SLC35F1: variants seen among roughly 807,000 people sequenced by gnomAD.
SLC35F1 encodes the protein solute carrier family 35 member F1, also known as chromosome 6 open reading frame 169.
Under a neutral mutation model 48.7 loss-of-function variants are expected in SLC35F1, and 14 were observed. That is an observed-to-expected ratio of 0.29 (90% confidence interval 0.19 to 0.45). The LOEUF (loss-of-function observed/expected upper bound fraction) is 0.45, where lower values mean the gene tolerates loss of function less well. Ranked by LOEUF, SLC35F1 falls within the 20% of genes least tolerant of loss-of-function variation. The pLI, the probability that SLC35F1 is intolerant of heterozygous loss-of-function variation, is 1.00. For synonymous variants in SLC35F1, 190 were observed against 202.2 expected (o/e 0.94, Z 0.51); for missense variants, 404 against 500.0 (o/e 0.81, Z 1.83).
intron 1 of SLC35F1, among the ~76,000 whole-genome samples, chr6:118,070,636 G>C (rs1772688538): frequency 6.6e-6 from 1 of 151,516 alleles, no homozygotes; most frequent in South Asian, 2.1e-4. Context: ...TATTGTAGCT[G>C]TTTCTTCTTG....
intron 1 of SLC35F1, among the ~76,000 whole-genome samples, chr6:118,000,905 C>T (rs1208213513): frequency 1.3e-5 from 2 of 152,076 alleles, no homozygotes; most frequent in African/African-American, 4.8e-5. Flanking sequence ...ACATGAATGA[C>T]CTCTTCAAGG....
chr6:118,298,910 C>T (rs763429194), intron 7 of SLC35F1, among the ~76,000 whole-genome samples: 4 of 152,136 alleles, frequency 2.6e-5, no homozygotes, highest in Non-Finnish European at 4.4e-5. Flanking sequence ...CATGGTGGCT[C>T]ATGCCTGTAA....
chr6:118,012,562 G>A (rs1189776030), intron 1 of SLC35F1, among the ~76,000 whole-genome samples: 1 of 152,132 alleles, frequency 6.6e-6, no homozygotes. Context: ...CCATATTTAT[G>A]CTTGCTAACT....
chr6:118,200,129 G>C (rs988761298), intron 2 of SLC35F1, among the ~76,000 whole-genome samples: 16 of 151,708 alleles, frequency 1.1e-4, no homozygotes, highest in African/African-American at 3.4e-4. Flanking sequence ...CAGCATAGGT[G>C]AGTGCCAGTA....
chr6:118,147,355 C>T (rs188079770), intron 1 of SLC35F1, among the ~76,000 whole-genome samples: 12 of 152,208 alleles, frequency 7.9e-5, no homozygotes, highest in Middle Eastern at 3.4e-3. Flanking sequence ...GCCTGGGCAT[C>T]GGAAACAGGG....
At chr6:118,170,226 G>C (rs745338898) in intron 2 of SLC35F1, among the ~76,000 whole-genome samples, 15 of 152,172 alleles carry the variant, frequency 9.9e-5, no homozygotes, top group Admixed American at 2.0e-4. Flanking sequence ...ATTTGATTGA[G>C]AGTTAAAATA....
chr6:118,082,140 C>A (rs1195573770), intron 1 of SLC35F1, among the ~76,000 whole-genome samples: 1 of 152,178 alleles, frequency 6.6e-6, no homozygotes, highest in Admixed American at 6.5e-5. Context: ...GGAGCCTCAA[C>A]CTTTGAACAT....
chr6:118,008,193 A>G lies in SLC35F1; in HGVS notation c.173+100294A>G, dbSNP rs553699278. On this transcript the variant is annotated intron_variant, in intron 1 of 7. Coordinates refer to ENST00000360388, the MANE Select transcript of SLC35F1 (RefSeq NM_001029858.4). ...GATTTGATCACTAGACATTGTATAC[A>G]TGTATCAAAATATCATATGTGCCCC... Among the ~76,000 whole-genome samples, 3 of 152,168 alleles carry G rather than the reference A, an allele frequency of 2.0e-5. No homozygotes were observed. In the South Asian group the frequency reaches 6.2e-4, roughly 31 times the overall value.
chr6:118,195,839 G>A (rs80191886), intron 2 of SLC35F1, among the ~76,000 whole-genome samples: 1 of 152,140 alleles, frequency 6.6e-6, no homozygotes, highest in Non-Finnish European at 1.5e-5. Context: ...ATTCCCAGCT[G>A]CTCTGAGAGA....
chr6:118,023,620 G>A (rs1777427306), intron 1 of SLC35F1, among the ~76,000 whole-genome samples: 1 of 152,144 alleles, frequency 6.6e-6, no homozygotes, highest in Non-Finnish European at 1.5e-5. Flanking sequence ...CTATTCATCT[G>A]TGCCTATTTA....
chr6:118,110,286 G>C (rs577420578), intron 1 of SLC35F1, among the ~76,000 whole-genome samples: 1 of 152,152 alleles, frequency 6.6e-6, no homozygotes, highest in Non-Finnish European at 1.5e-5. Context: ...CTGAAAAATG[G>C]AGAAATGGAC....
At chr6:118,261,559 G>C (rs777551678) in intron 3 of SLC35F1, among the ~76,000 whole-genome samples, 7 of 152,276 alleles carry the variant, frequency 4.6e-5, no homozygotes, top group Non-Finnish European at 8.8e-5. Context: ...CGCACACAGG[G>C]GCTGGGGCTT....
At position 118,110,390 on chromosome 6, in the gene SLC35F1, T is replaced by G. The variant is rs144291972; in HGVS notation, c.174-44055T>G. On this transcript the variant is annotated intron_variant, in intron 1 of 7. Coordinates refer to ENST00000360388, the MANE Select transcript of SLC35F1 (RefSeq NM_001029858.4). ...CAATAAACTGTAATTGACAAATTGC[T>G]GGAAGCTCAGGGAGAACTGACATGA... 3.8e-3 allele frequency among the ~76,000 whole-genome samples: 580 copies of G among 152,192 alleles called. 7 individuals are homozygous for G. Among genetic ancestry groups the G allele is most frequent in the African/African-American group, 0.013 (553 of 41,538 alleles).
chr6:118,204,027 A>G (rs1172012909), intron 2 of SLC35F1, among the ~76,000 whole-genome samples: 1 of 151,874 alleles, frequency 6.6e-6, no homozygotes, highest in Non-Finnish European at 1.5e-5. Context: ...AGGAGGTAAT[A>G]TAGAAAGCAA....
intron 1 of SLC35F1, among the ~76,000 whole-genome samples, chr6:117,966,148 C>G (rs998604429): frequency 6.8e-6 from 1 of 146,182 alleles, no homozygotes; most frequent in Non-Finnish European, 1.5e-5. Context: ...CCCCCACTCC[C>G]GCCCCGCCCC....
chr6:118,063,971 T>G (rs1170080078), intron 1 of SLC35F1, among the ~76,000 whole-genome samples: 1 of 152,184 alleles, frequency 6.6e-6, no homozygotes, highest in Non-Finnish European at 1.5e-5. Flanking sequence ...TGTATTAGTC[T>G]GTTTTCACAC....
chr6:117,986,728 G>C (rs1776852894), intron 1 of SLC35F1, among the ~76,000 whole-genome samples: 2 of 152,158 alleles, frequency 1.3e-5, no homozygotes, highest in Non-Finnish European at 1.5e-5. Flanking sequence ...TGAAAGATGA[G>C]GAATCAGTAT....
At chr6:118,266,630 C>G (rs536956490) in intron 3 of SLC35F1, among the ~76,000 whole-genome samples, 44 of 152,216 alleles carry the variant, frequency 2.9e-4, no homozygotes, top group African/African-American at 7.9e-4. Flanking sequence ...TGTAAAAAGG[C>G]TGGGTGTACT....
chr6:118,201,527 A>G (rs1324954322), intron 2 of SLC35F1, among the ~76,000 whole-genome samples: 1 of 152,226 alleles, frequency 6.6e-6, no homozygotes, highest in Non-Finnish European at 1.5e-5. Flanking sequence ...GCCTGTTACA[A>G]TGCAGTTGAT....
Sources: gnomAD v4.1 joint callset for allele counts (sites outside exome capture counted in the v4.1 genomes callset) on GRCh38, gnomAD v4.1.1 for gene constraint, MANE v1.5 for transcripts, NCBI Gene and HGNC (gene_info 2026-07-23, HGNC 2026-07-21) for gene names.